SYN2: variants seen among roughly 807,000 people sequenced by gnomAD.
The protein encoded by SYN2 is synapsin-2.
SYN2 carries 19 observed loss-of-function variants against 50.9 expected under a neutral mutation model. The observed-to-expected ratio is 0.37, with a 90% CI of 0.26 to 0.55. The LOEUF (loss-of-function observed/expected upper bound fraction) is 0.55. Among genes scored for constraint, SYN2 ranks in the 20% least tolerant of loss-of-function variants. The pLI is 0.81. For synonymous variants in SYN2, 255 were observed against 224.9 expected, an observed-to-expected ratio of 1.13 and a Z score of -1.20; for missense variants, 587 against 576.4, an observed-to-expected ratio of 1.02 and a Z score of -0.19.
chr3:12,090,512 T>A (rs954505579), intron 1 of SYN2, among the ~76,000 whole-genome samples: 1 of 146,876 alleles, frequency 6.8e-6, no homozygotes, highest in African/African-American at 2.7e-5. Flanking sequence ...AGTAAGACCT[T>A]GAGCTAATGA....
intron 5 of SYN2, chr3:12,153,819 A>G (rs762543868): frequency 1.1e-5 from 14 of 1,230,556 alleles, no homozygotes; most frequent in African/African-American, 3.0e-5. Flanking sequence ...AATGCCCCCT[A>G]TCTTATCAAG....
At chr3:12,154,245 T>TCTA in intron 5 of SYN2, 1 of 1,587,716 alleles carries the variant, frequency 6.3e-7, no homozygotes, top group South Asian at 1.1e-5. Flanking sequence ...TATAGTCTAG[T>TCTA]AAGTGAATAA....
At chr3:12,087,308 T>G (rs1695724060) in intron 1 of SYN2, among the ~76,000 whole-genome samples, 1 of 152,152 alleles carries the variant, frequency 6.6e-6, no homozygotes, top group Non-Finnish European at 1.5e-5. Flanking sequence ...ACAGATTCAG[T>G]GTAATCCCTA....
At chr3:12,041,110 C>G (rs1453231768) in intron 1 of SYN2, among the ~76,000 whole-genome samples, 2 of 152,168 alleles carry the variant, frequency 1.3e-5, no homozygotes, top group Non-Finnish European at 2.9e-5. Flanking sequence ...CATTGCTTGA[C>G]AGACTGACTC....
intron 4 of SYN2, among the ~76,000 whole-genome samples, chr3:12,146,076 C>T (rs1452109539): frequency 6.6e-6 from 1 of 152,238 alleles, no homozygotes; most frequent in Non-Finnish European, 1.5e-5. Context: ...CTGTCACAGG[C>T]TCAGCACCTT....
chr3:12,005,653 C>T (rs1693786157), intron 1 of SYN2, among the ~76,000 whole-genome samples: 1 of 148,420 alleles, frequency 6.7e-6, no homozygotes, highest in Admixed American at 6.8e-5. Context: ...TGAATGGTAG[C>T]TTTTTCTAGC....
At chr3:12,130,287 G>T (rs1242319467) in intron 1 of SYN2, among the ~76,000 whole-genome samples, 1 of 151,918 alleles carries the variant, frequency 6.6e-6, no homozygotes, top group Non-Finnish European at 1.5e-5. Flanking sequence ...GGCTTTCACA[G>T]TTATGAGGCT....
intron 1 of SYN2, among the ~76,000 whole-genome samples, chr3:12,099,575 C>T (rs1041563906): frequency 6.6e-6 from 1 of 152,000 alleles, no homozygotes; most frequent in African/African-American, 2.4e-5. Context: ...TATAGCTATA[C>T]TTGCCTATAT....
chr3:12,014,483 G>T (rs796934255), intron 1 of SYN2, among the ~76,000 whole-genome samples: 37 of 152,246 alleles, frequency 2.4e-4, no homozygotes, highest in African/African-American at 8.7e-4. Context: ...TAGAGATTTA[G>T]CTCTGAATGA....
chr3:12,113,282 T>G (rs1007437534), intron 1 of SYN2, among the ~76,000 whole-genome samples: 12 of 152,142 alleles, frequency 7.9e-5, no homozygotes, highest in African/African-American at 2.9e-4. Context: ...ACTTGAAATA[T>G]TTTGAAATCT....
intron 1 of SYN2, among the ~76,000 whole-genome samples, chr3:12,132,821 A>G (rs555330161): frequency 6.0e-5 from 9 of 150,998 alleles, no homozygotes; most frequent in African/African-American, 7.4e-5. Context: ...CTTTCATTCT[A>G]TCTTTTTGGT....
At chr3:12,139,570 G>T (rs1696971256) in intron 1 of SYN2, among the ~76,000 whole-genome samples, 1 of 152,120 alleles carries the variant, frequency 6.6e-6, no homozygotes, top group African/African-American at 2.4e-5. Context: ...CTGAAATGAA[G>T]CCCTTTCTCT....
intron 1 of SYN2, among the ~76,000 whole-genome samples, chr3:12,056,678 CCTCATGGTAA>C (rs1278696009): frequency 6.6e-6 from 1 of 152,094 alleles, no homozygotes; most frequent in Non-Finnish European, 1.5e-5. Flanking sequence ...TAAATAATTT[CCTCATGGTAA>C]TGAGTAGGGG....
At chr3:12,122,692 A>G (rs1382296220) in intron 1 of SYN2, among the ~76,000 whole-genome samples, 1 of 152,186 alleles carries the variant, frequency 6.6e-6, no homozygotes, top group African/African-American at 2.4e-5. Flanking sequence ...GACTTATACT[A>G]CATGGATAAT....
intron 1 of SYN2, among the ~76,000 whole-genome samples, chr3:12,129,384 G>C (rs1276044179): frequency 2.6e-5 from 4 of 152,118 alleles, no homozygotes; most frequent in Non-Finnish European, 4.4e-5. Flanking sequence ...TTACCTTATA[G>C]ATGAAGAAAC....
At chr3:12,143,426 C>A (rs1374237945) in intron 3 of SYN2, among the ~76,000 whole-genome samples, 1 of 152,020 alleles carries the variant, frequency 6.6e-6, no homozygotes, top group African/African-American at 2.4e-5. Context: ...ATTTTTCAGC[C>A]CTCATCCCCC....
chr3:12,138,848 T>G (rs900011037), intron 1 of SYN2, among the ~76,000 whole-genome samples: 5 of 152,196 alleles, frequency 3.3e-5, no homozygotes, highest in Admixed American at 3.3e-4. Flanking sequence ...AGGGATCTCA[T>G]GGGTCATTCA....
At chr3:12,088,011 T>C (rs978441455) in intron 1 of SYN2, among the ~76,000 whole-genome samples, 3 of 151,732 alleles carry the variant, frequency 2.0e-5, no homozygotes, top group African/African-American at 7.3e-5. Flanking sequence ...GGTTGAGCAA[T>C]GACTTCTTGG....
At chr3:12,094,245 T>A (rs893122104) in intron 1 of SYN2, among the ~76,000 whole-genome samples, 1 of 152,246 alleles carries the variant, frequency 6.6e-6, no homozygotes, top group African/African-American at 2.4e-5. Flanking sequence ...ATTATTTGCT[T>A]CTTGAAGGCA....
Sources: gnomAD v4.1 joint callset for allele counts (sites outside exome capture counted in the v4.1 genomes callset) on GRCh38, gnomAD v4.1.1 for gene constraint, MANE v1.5 for transcripts, NCBI Gene and HGNC (gene_info 2026-07-23, HGNC 2026-07-21) for gene names.